Variants in C2 observed in about 807,000 individuals in gnomAD.
The protein encoded by C2 is complement C2.
Under a neutral mutation model 85.2 loss-of-function variants are expected in C2, and 64 were observed. That is an observed-to-expected ratio of 0.75 (90% CI 0.61 to 0.92). The LOEUF (loss-of-function observed/expected upper bound fraction) is 0.92. C2 is among the 40% of genes least tolerant of loss of function. The probability of loss-of-function intolerance (pLI) is 0.00; values close to 1 mark genes in which losing one functional copy is unlikely to be tolerated. For missense variants in C2, 820 were observed against 971.6 expected (o/e 0.84, Z 2.07); for synonymous variants, 311 against 370.8 (o/e 0.84, Z 1.85).
At chr6:31,930,377 C>T (rs571881280) in intron 3 of C2, among the ~76,000 whole-genome samples, 3 of 152,262 alleles carry the variant, frequency 2.0e-5, no homozygotes, top group South Asian at 2.1e-4. Context: ...CCACGGCATC[C>T]GGCCTTGTTT....
Position 31,938,820 on chromosome 6 carries a change from A to G in C2, c.1130-411A>G, listed in dbSNP as rs184553736. On this transcript the variant is annotated intron_variant, in intron 8 of 17. Coordinates refer to ENST00000299367, the MANE Select transcript of C2 (RefSeq NM_000063.6). ...AGGCATGTGCCACCACACCCGGCTA[A>G]TTTTGTATATTTAGTAGAGGTGCGG... Among the ~76,000 whole-genome samples, 333 of 152,094 alleles carry G rather than the reference A, an allele frequency of 2.2e-3. 2 individuals are homozygous for G. Among genetic ancestry groups the G allele is most frequent in the East Asian group, 9.7e-3 (50 of 5,158 alleles).
chr6:31,942,908 G>A, intron 9 of C2, 51 bp from the exon 10 acceptor site: 1 of 1,609,986 alleles, frequency 6.2e-7, no homozygotes, highest in Non-Finnish European at 8.5e-7. Flanking sequence ...CCTGTCTCAT[G>A]GGGTAGCCCC....
At chr6:31,916,854 G>A (rs1438614984), upstream of C2, among the ~76,000 whole-genome samples, 2 of 111,922 alleles carry the variant, frequency 1.8e-5, no homozygotes, top group African/African-American at 7.3e-5. Flanking sequence ...GTGACAGGGC[G>A]AGACTCCATC....
intron 9 of C2, among the ~76,000 whole-genome samples, chr6:31,942,106 G>A (rs1453524703): frequency 6.8e-6 from 1 of 147,922 alleles, no homozygotes; most frequent in Non-Finnish European, 1.5e-5. Context: ...GTGAGCCACC[G>A]TGCCCGGCTC....
At chr6:31,912,212 T>A (rs1474091072) in intron 1 of C2, among the ~76,000 whole-genome samples, 1 of 152,240 alleles carries the variant, frequency 6.6e-6, no homozygotes, top group Non-Finnish European at 1.5e-5. Flanking sequence ...TCCCTGCTAA[T>A]GCTAAACTAT....
intron 1 of C2, among the ~76,000 whole-genome samples, chr6:31,912,513 A>C (rs1358604764): frequency 3.3e-5 from 5 of 150,978 alleles, no homozygotes; most frequent in African/African-American, 9.8e-5. Flanking sequence ...CCTTTATCTC[A>C]TTCTCTCTGG....
upstream of C2, among the ~76,000 whole-genome samples, chr6:31,915,885 C>T (rs1768468894): frequency 6.6e-6 from 1 of 152,234 alleles, no homozygotes; most frequent in Non-Finnish European, 1.5e-5. Context: ...TGAAGAGCCT[C>T]AATGGCTGCC....
chr6:31,908,797 T>A (rs1389972974), intron 1 of C2, among the ~76,000 whole-genome samples: 1 of 152,014 alleles, frequency 6.6e-6, no homozygotes, highest in Non-Finnish European at 1.5e-5. Flanking sequence ...CAGATGACTG[T>A]TAGCATTTTT....
intron 1 of C2, among the ~76,000 whole-genome samples, chr6:31,907,465 G>A (rs1269236032): frequency 6.7e-6 from 1 of 150,354 alleles, no homozygotes; most frequent in Non-Finnish European, 1.5e-5. Context: ...GCCTGTGGTC[G>A]CAGCTATTCA....
At chr6:31,908,001 C>T (rs1470338132) in intron 1 of C2, among the ~76,000 whole-genome samples, 3 of 151,628 alleles carry the variant, frequency 2.0e-5, no homozygotes, top group Non-Finnish European at 4.4e-5. Context: ...CGTCTGCCAC[C>T]ACGCCCAGCT....
Position 31,934,311 on chromosome 6 carries a change from G to A in C2, c.849+12G>A, listed in dbSNP as rs1158920854. On this transcript the variant is annotated intron_variant, in intron 6 of 17. Coordinates refer to ENST00000299367, the MANE Select transcript of C2 (RefSeq NM_000063.6). ...TCATGGTGGACAGGGTCAGGAATCA[G>A]GAGTCTGCCTGCAGCAGAGGCCTTC... 2.5e-6 allele frequency: 4 copies of A among 1,593,924 alleles called. No individual in the cohort carries two copies. The highest frequency in any genetic ancestry group is 2.7e-5 in the African/African-American group (2 of 74,774).
intron 1 of C2, among the ~76,000 whole-genome samples, chr6:31,912,147 C>G (rs577680497): frequency 3.9e-5 from 6 of 152,256 alleles, no homozygotes; most frequent in Admixed American, 2.0e-4. Context: ...TAGCAAGCAT[C>G]CACATATTCG....
rs1036154928 is a variant in C2 at position 31,922,371 on chromosome 6, G to A, written c.-100+2345G>A. ...AGGGGTGGCAGATCCTAGGATGACC[G>A]CGAAGTCCATGCCCAAGTGGCCAGA... is the stretch of plus-strand genomic sequence containing the variant. On this transcript the variant is annotated intron_variant, in intron 1 of 3. Coordinates refer to the C2 transcript ENST00000413154. The surrounding 1 kb of genome is among the most constrained non-coding windows in gnomAD (Gnocchi z 4.8). 6.6e-6 allele frequency among the ~76,000 whole-genome samples: 1 copy of A among 152,118 alleles called. No individual in the cohort carries two copies. Among genetic ancestry groups the A allele is most frequent in the Admixed American group, 6.6e-5 (1 of 15,264 alleles).
upstream of C2, chr6:31,897,873 G>C (rs1766802161): frequency 9.5e-7 from 1 of 1,055,122 alleles, no homozygotes; most frequent in Admixed American, 5.5e-5. Flanking sequence ...CCTGGCCTCA[G>C]TTCTGCAGGG....
intron 3 of C2, among the ~76,000 whole-genome samples, 182 bp from the exon 4 acceptor site, chr6:31,933,428 C>G (rs760616740): frequency 6.6e-6 from 1 of 152,110 alleles, no homozygotes; most frequent in African/African-American, 2.4e-5. Context: ...TATAAATGTT[C>G]TCTGAAGGAG....
At chr6:31,899,387 C>G (rs539778256), upstream of C2, among the ~76,000 whole-genome samples, 1 of 151,942 alleles carries the variant, frequency 6.6e-6, no homozygotes, top group Admixed American at 6.6e-5. Context: ...AAGCCTCATA[C>G]TCGCAGTCTC....
At chr6:31,924,949 G>C (rs1769177961), upstream of C2, among the ~76,000 whole-genome samples, 1 of 152,204 alleles carries the variant, frequency 6.6e-6, no homozygotes. Context: ...GAATGTGGCA[G>C]AAGTGATGTT....
chr6:31,934,960 A>T (rs1770286417), intron 6 of C2: 2 of 368,014 alleles, frequency 5.4e-6, no homozygotes, highest in Non-Finnish European at 7.5e-6. Flanking sequence ...GTGGGCTGAG[A>T]TCACGCCATT....
upstream of C2, among the ~76,000 whole-genome samples, chr6:31,919,768 T>C (rs1768835015): frequency 6.6e-6 from 1 of 152,244 alleles, no homozygotes; most frequent in South Asian, 2.1e-4. Context: ...TACACACAGA[T>C]AAGCCTTAAG....
Sources: gnomAD v4.1 joint callset for allele counts (sites outside exome capture counted in the v4.1 genomes callset) on GRCh38, gnomAD v4.1.1 for gene constraint, Gnocchi (gnomAD v3.1) non-coding constraint, MANE v1.5 for transcripts, NCBI Gene and HGNC (gene_info 2026-07-23, HGNC 2026-07-21) for gene names.